The following SLC16A7 variants were observed in gnomAD, a reference collection of about 807,000 sequenced individuals.
The protein encoded by SLC16A7 is monocarboxylate transporter 2.
SLC16A7 carries 33 observed loss-of-function variants against 34.9 expected under a neutral mutation model. The ratio of observed to expected loss-of-function variants is 0.94; its 90% CI spans 0.72 to 1.26. The LOEUF (loss-of-function observed/expected upper bound fraction) is 1.26. Ranked by LOEUF, SLC16A7 falls within the 50% of genes most tolerant of loss-of-function variation. SLC16A7 has a pLI of 0.00. For synonymous variants in SLC16A7, 201 were observed against 206.6 expected (o/e 0.97, Z 0.23); for missense variants, 573 against 578.1 (o/e 0.99, Z 0.09).
intron 3 of SLC16A7, among the ~76,000 whole-genome samples, chr12:59,727,665 G>T (rs938085781): frequency 1.3e-5 from 2 of 152,156 alleles, no homozygotes; most frequent in African/African-American, 4.8e-5. Context: ...AATACCGGAG[G>T]TTTCAGTGAA....
intron 2 of SLC16A7, among the ~76,000 whole-genome samples, chr12:59,684,577 G>A (rs1038349334): frequency 1.3e-5 from 2 of 152,036 alleles, no homozygotes; most frequent in Non-Finnish European, 2.9e-5. Context: ...AAGATGTATC[G>A]AAGAAGTGTT....
rs1220997963 is a variant in SLC16A7 at position 59,785,339 on chromosome 12, T to TTTGAA, written c.*5662_*5663insGAATT. ...CTCTCCTCTACTGCTTTTTCTTCAC[T>TTTGAA]TTAATTCATTTATGTGCAAATCAGG... On this transcript the variant is annotated 3_prime_UTR_variant, in exon 6 of 6. Transcript: ENST00000547379. 5 of 152,188 alleles carry TTTGAA rather than the reference T, an allele frequency of 3.3e-5. No individual in the cohort carries two copies. Among genetic ancestry groups the TTTGAA allele is most frequent in the African/African-American group, 1.2e-4 (5 of 41,456 alleles). 9.4% of individuals were successfully genotyped at this position (152,188 alleles called of 1,614,324 possible).
chr12:59,680,188 G>A (rs576019750), intron 2 of SLC16A7, among the ~76,000 whole-genome samples: 70 of 152,318 alleles, frequency 4.6e-4, no homozygotes, highest in African/African-American at 1.6e-3. Context: ...CAGGAAAAGT[G>A]GAAACCAGTC....
chr12:59,598,183 A>G (rs1878513303), intron 1 of SLC16A7, among the ~76,000 whole-genome samples: 1 of 152,242 alleles, frequency 6.6e-6, no homozygotes, highest in African/African-American at 2.4e-5. Flanking sequence ...GAAAAAGGGA[A>G]TTAACTTTAG....
intron 1 of SLC16A7, among the ~76,000 whole-genome samples, chr12:59,627,525 T>C (rs893278642): frequency 2.0e-5 from 3 of 151,890 alleles, no homozygotes; most frequent in Non-Finnish European, 4.4e-5. Context: ...GGAAAGATTT[T>C]TTACTGTTAA....
At chr12:59,727,488 C>T (rs1876425811) in intron 3 of SLC16A7, among the ~76,000 whole-genome samples, 1 of 152,168 alleles carries the variant, frequency 6.6e-6, no homozygotes, top group East Asian at 1.9e-4. Flanking sequence ...ATTTTCAGGT[C>T]TTTAGTAGAG....
At chr12:59,622,150 A>T (rs1879721925) in intron 1 of SLC16A7, among the ~76,000 whole-genome samples, 1 of 151,856 alleles carries the variant, frequency 6.6e-6, no homozygotes, top group Non-Finnish European at 1.5e-5. Flanking sequence ...TCTTTTAATG[A>T]AGGATAAGCT....
At chr12:59,622,746 A>G (rs988215795) in intron 1 of SLC16A7, among the ~76,000 whole-genome samples, 12 of 151,820 alleles carry the variant, frequency 7.9e-5, no homozygotes, top group African/African-American at 2.9e-4. Flanking sequence ...CAATATCCAA[A>G]ACAATAACTG....
intron 3 of SLC16A7, among the ~76,000 whole-genome samples, chr12:59,766,180 T>A (rs1385296057): frequency 6.6e-6 from 1 of 152,224 alleles, no homozygotes; most frequent in Non-Finnish European, 1.5e-5. Flanking sequence ...ACATTGATTT[T>A]GTATCCTGAG....
chr12:59,755,279 A>G (rs1880167503), intron 3 of SLC16A7, among the ~76,000 whole-genome samples: 1 of 152,164 alleles, frequency 6.6e-6, no homozygotes, highest in Admixed American at 6.5e-5. Flanking sequence ...GGAAGGAAAT[A>G]AAGGGTATTC....
chr12:59,665,601 C>G (rs1676676618), intron 2 of SLC16A7, among the ~76,000 whole-genome samples: 1 of 151,872 alleles, frequency 6.6e-6, no homozygotes, highest in Non-Finnish European at 1.5e-5. Flanking sequence ...AGACATTGCT[C>G]ACTAAGTTTT....
chr12:59,600,988 A>G (rs1054123619), intron 1 of SLC16A7, among the ~76,000 whole-genome samples: 25 of 152,330 alleles, frequency 1.6e-4, no homozygotes, highest in African/African-American at 6.0e-4. Flanking sequence ...AAGTTCCACA[A>G]AAATGTCTGT....
intron 1 of SLC16A7, among the ~76,000 whole-genome samples, chr12:59,599,644 A>G (rs982318763): frequency 6.6e-6 from 1 of 152,248 alleles, no homozygotes; most frequent in African/African-American, 2.4e-5. Context: ...AACAAATATA[A>G]GCTGTTTTAT....
chr12:59,776,299 C>T (rs1051445366), intron 5 of SLC16A7, among the ~76,000 whole-genome samples: 1 of 152,092 alleles, frequency 6.6e-6, no homozygotes, highest in South Asian at 2.1e-4. Flanking sequence ...TTTATAGTTT[C>T]CTTCTGAATT....
chr12:59,602,194 T>C (rs1457310488), intron 1 of SLC16A7, among the ~76,000 whole-genome samples: 2 of 152,166 alleles, frequency 1.3e-5, no homozygotes, highest in East Asian at 3.9e-4. Context: ...TACTCTTGTA[T>C]AAAAATATTT....
chr12:59,742,388 G>A (rs1208888841), intron 3 of SLC16A7, among the ~76,000 whole-genome samples: 1 of 152,158 alleles, frequency 6.6e-6, no homozygotes, highest in African/African-American at 2.4e-5. Context: ...AAGAGGCAGT[G>A]TGATAATTGT....
chr12:59,741,605 C>T (rs555360072), intron 3 of SLC16A7, among the ~76,000 whole-genome samples: 1 of 152,272 alleles, frequency 6.6e-6, no homozygotes, highest in East Asian at 1.9e-4. Flanking sequence ...TTTCAGTTAC[C>T]ACCATTCTTT....
intron 2 of SLC16A7, among the ~76,000 whole-genome samples, chr12:59,672,201 C>CGT (rs1869913992): frequency 5.9e-5 from 1 of 16,932 alleles, no homozygotes. Context: ...CGTATATATA[C>CGT]ATATATACGT....
chr12:59,771,054 C>G (rs1882173954), intron 3 of SLC16A7, among the ~76,000 whole-genome samples, 165 bp from the exon 4 acceptor site: 1 of 152,162 alleles, frequency 6.6e-6, no homozygotes. Flanking sequence ...TCAAACTGAT[C>G]ATTTGTGAAG....
Sources: allele counts gnomAD v4.1 joint callset (sites outside exome capture counted in the v4.1 genomes callset), GRCh38; gene constraint gnomAD v4.1.1; transcripts MANE v1.5; gene names NCBI Gene and HGNC (gene_info 2026-07-23, HGNC 2026-07-21).